The following XRCC4 variants were observed in gnomAD, a reference collection of about 807,000 sequenced individuals.
XRCC4 encodes the protein X-ray repair cross complementing 4, also known as DNA repair protein XRCC4.
In XRCC4, 28 loss-of-function variants were observed where a neutral mutation model predicts 39.1. The observed-to-expected ratio is 0.72, with a 90% CI of 0.53 to 0.98. The LOEUF (loss-of-function observed/expected upper bound fraction) is 0.98, where lower values mean the gene tolerates loss of function less well. Among genes scored for constraint, XRCC4 ranks in the 50% least tolerant of loss-of-function variants. The pLI, the probability that XRCC4 is intolerant of heterozygous loss-of-function variation, is 0.00. For synonymous variants in XRCC4, 123 were observed against 126.4 expected (o/e 0.97, Z 0.18); for missense variants, 350 against 376.4 (o/e 0.93, Z 0.58).
intron 6 of XRCC4, among the ~76,000 whole-genome samples, chr5:83,205,374 C>T (rs936161593): frequency 6.6e-6 from 1 of 151,944 alleles, no homozygotes; most frequent in Admixed American, 6.6e-5. Flanking sequence ...AAGATTGCAA[C>T]AAGTGAGATG....
intron 3 of XRCC4, among the ~76,000 whole-genome samples, chr5:83,116,608 C>CTTTTTTT (rs559079642): frequency 1.3e-4 from 13 of 103,194 alleles, no homozygotes; most frequent in Non-Finnish European, 1.7e-4. Context: ...TTCTCTCTCT[C>CTTTTTTT]TTTTTTTTTT....
intron 7 of XRCC4, among the ~76,000 whole-genome samples, chr5:83,266,512 A>G (rs28360241): frequency 0.017 from 2,544 of 151,978 alleles, 79 homozygotes; most frequent in African/African-American, 0.058. Context: ...ATCAGATATG[A>G]GAATAAAAGA....
chr5:83,156,627 A>G (rs1017215140), intron 3 of XRCC4, among the ~76,000 whole-genome samples: 2 of 152,100 alleles, frequency 1.3e-5, no homozygotes, highest in African/African-American at 4.8e-5. Flanking sequence ...ATTAGCCAGC[A>G]TAAATGGAGA....
intron 3 of XRCC4, among the ~76,000 whole-genome samples, chr5:83,185,888 A>C (rs2112665815): frequency 6.6e-6 from 1 of 152,290 alleles, no homozygotes; most frequent in East Asian, 1.9e-4. Flanking sequence ...ATAGGCAAAG[A>C]CCTTAAAACA....
chr5:83,147,080 A>G (rs1436622692), intron 3 of XRCC4, among the ~76,000 whole-genome samples: 3 of 152,176 alleles, frequency 2.0e-5, no homozygotes, highest in Non-Finnish European at 4.4e-5. Context: ...TGTGATCTTT[A>G]ACAACTTCTC....
At chr5:83,300,223 A>ACTT (rs1374173630) in intron 7 of XRCC4, among the ~76,000 whole-genome samples, 1 of 152,068 alleles carries the variant, frequency 6.6e-6, no homozygotes, top group African/African-American at 2.4e-5. Context: ...TAGACTCTCC[A>ACTT]CTTTAGACAG....
chr5:83,133,054 A>G (rs1015208474), intron 3 of XRCC4, among the ~76,000 whole-genome samples: 5 of 152,022 alleles, frequency 3.3e-5, no homozygotes, highest in South Asian at 2.1e-4. Flanking sequence ...ATGGTGATGT[A>G]CAGATGGGGT....
At chr5:83,163,671 C>T (rs377064148) in intron 3 of XRCC4, among the ~76,000 whole-genome samples, 9 of 152,270 alleles carry the variant, frequency 5.9e-5, no homozygotes, top group Middle Eastern at 3.4e-3. Context: ...TTGTATATAG[C>T]TATGAATTTT....
intron 6 of XRCC4, among the ~76,000 whole-genome samples, chr5:83,206,453 G>A (rs1383259352): frequency 6.6e-6 from 1 of 152,064 alleles, no homozygotes; most frequent in African/African-American, 2.4e-5. Flanking sequence ...CTGATTGATG[G>A]ATTTAGCAAT....
intron 2 of XRCC4, among the ~76,000 whole-genome samples, chr5:83,110,765 A>G (rs1284337684): frequency 1.3e-5 from 2 of 152,116 alleles, no homozygotes; most frequent in African/African-American, 2.4e-5. Context: ...ATAATTTACA[A>G]TGCGTTTCAT....
intron 7 of XRCC4, among the ~76,000 whole-genome samples, chr5:83,306,497 T>C (rs1312249316): frequency 8.9e-5 from 2 of 22,502 alleles, no homozygotes; most frequent in Non-Finnish European, 1.5e-4. Context: ...ATCTCAGAAT[T>C]GTATACTTTT....
intron 3 of XRCC4, among the ~76,000 whole-genome samples, chr5:83,137,741 A>G (rs1181210113): frequency 6.6e-6 from 1 of 152,132 alleles, no homozygotes; most frequent in Non-Finnish European, 1.5e-5. Context: ...GATTTAATTA[A>G]TTAGTGTGTG....
chr5:83,371,067 A>G, the XRCC4 span, among the ~76,000 whole-genome samples: 1 of 152,128 alleles, frequency 6.6e-6, no homozygotes, highest in Non-Finnish European at 1.5e-5. Flanking sequence ...ATCCACTCTG[A>G]TTGACACTAA....
the XRCC4 span, among the ~76,000 whole-genome samples, chr5:83,359,090 C>G: frequency 6.6e-6 from 1 of 152,106 alleles, no homozygotes; most frequent in Non-Finnish European, 1.5e-5. Context: ...ATTGTTCTCC[C>G]TACTTCGGGT....
chr5:83,139,582 C>T (rs6882179), intron 3 of XRCC4, among the ~76,000 whole-genome samples: 69,690 of 152,016 alleles, frequency 0.46, 16,862 homozygotes, highest in African/African-American at 0.59. Context: ...GGGATATGTT[C>T]TGAGAAATCT....
intron 3 of XRCC4, among the ~76,000 whole-genome samples, chr5:83,115,256 C>T (rs147546062): frequency 6.4e-4 from 98 of 152,188 alleles, no homozygotes; most frequent in African/African-American, 2.1e-3. Flanking sequence ...GGAGAAACCC[C>T]GTCTCTACTA....
chr5:83,116,815 TTG>T (rs1191197315), intron 3 of XRCC4, among the ~76,000 whole-genome samples: 3 of 151,926 alleles, frequency 2.0e-5, no homozygotes, highest in Non-Finnish European at 4.4e-5. Context: ...AGAGACGGGG[TTG>T]TGCCATATGG....
At chr5:83,086,457 A>G (rs1745185998) in intron 1 of XRCC4, among the ~76,000 whole-genome samples, 1 of 152,246 alleles carries the variant, frequency 6.6e-6, no homozygotes, top group Non-Finnish European at 1.5e-5. Context: ...TGTTATTAAG[A>G]AAATCATAAT....
the XRCC4 span, among the ~76,000 whole-genome samples, chr5:83,368,589 G>A: frequency 6.6e-6 from 1 of 152,180 alleles, no homozygotes; most frequent in African/African-American, 2.4e-5. Context: ...ACAGCAGAAG[G>A]GAGTGGGCTC....
Sources: gnomAD v4.1 joint callset for allele counts (sites outside exome capture counted in the v4.1 genomes callset) on GRCh38, gnomAD v4.1.1 for gene constraint, MANE v1.5 for transcripts, NCBI Gene and HGNC (gene_info 2026-07-23, HGNC 2026-07-21) for gene names.